SORL1: variants seen among roughly 807,000 people sequenced by gnomAD.
SORL1 encodes the protein sortilin related receptor 1.
SORL1 carries 127 observed loss-of-function variants against 273.7 expected under a neutral mutation model. The ratio of observed to expected loss-of-function variants is 0.46; its 90% confidence interval spans 0.40 to 0.54. SORL1 has a LOEUF of 0.54. Among genes scored for constraint, SORL1 ranks in the 20% least tolerant of loss-of-function variants. SORL1 has a pLI of 0.00. For synonymous variants in SORL1, 1,031 were observed against 1,067.4 expected (o/e 0.97, Z 0.66); for missense variants, 2,494 against 2,846.1 (o/e 0.88, Z 2.81).
chr11:121,519,669 T>C (rs1397611683), intron 8 of SORL1, among the ~76,000 whole-genome samples: 2 of 152,182 alleles, frequency 1.3e-5, no homozygotes, highest in Non-Finnish European at 2.9e-5. Context: ...ATAATTAGGT[T>C]GTAAGTACCT....
chr11:121,456,620 A>G (rs1447961018), intron 1 of SORL1, among the ~76,000 whole-genome samples: 2 of 152,164 alleles, frequency 1.3e-5, no homozygotes, highest in Middle Eastern at 3.2e-3. Flanking sequence ...CTTGGATTCT[A>G]TTTTACAGAA....
chr11:121,494,016 T>C (rs560442809), intron 5 of SORL1, among the ~76,000 whole-genome samples: 5 of 152,332 alleles, frequency 3.3e-5, no homozygotes, highest in African/African-American at 1.2e-4. Context: ...AAGGACACCC[T>C]CTGCTCAAGG....
intron 24 of SORL1, chr11:121,576,963 C>A: frequency 1.3e-6 from 2 of 1,516,034 alleles, no homozygotes; most frequent in Non-Finnish European, 1.8e-6. Context: ...TAACCTTCTT[C>A]CCATCATAGC....
chr11:121,522,058 A>G (rs914422245), intron 9 of SORL1, among the ~76,000 whole-genome samples: 2 of 152,250 alleles, frequency 1.3e-5, no homozygotes, highest in East Asian at 1.9e-4. Context: ...TGTAAAATAC[A>G]TAGGAAAAAA....
At chr11:121,474,118 G>A (rs1861220787) in intron 2 of SORL1, among the ~76,000 whole-genome samples, 2 of 152,202 alleles carry the variant, frequency 1.3e-5, no homozygotes, top group African/African-American at 4.8e-5. Context: ...CCATTCATTA[G>A]CAATCTGACC....
intron 25 of SORL1, among the ~76,000 whole-genome samples, chr11:121,580,868 G>A (rs1182961240): frequency 6.6e-6 from 1 of 151,438 alleles, no homozygotes; most frequent in Non-Finnish European, 1.5e-5. Context: ...TCCTCTCAAA[G>A]TGCTGGGATT....
intron 3 of SORL1, among the ~76,000 whole-genome samples, chr11:121,487,482 T>C (rs1591296611): frequency 6.6e-6 from 1 of 152,334 alleles, no homozygotes; most frequent in South Asian, 2.1e-4. Context: ...AGTGGCAGCC[T>C]GGTCCCCAGA....
intron 21 of SORL1, among the ~76,000 whole-genome samples, chr11:121,565,862 C>T (rs1023275045): frequency 1.3e-5 from 2 of 152,222 alleles, no homozygotes; most frequent in Admixed American, 6.5e-5. Context: ...TACGAACTCT[C>T]TCCGGTGCTG....
chr11:121,530,994 T>G (rs1461684533), intron 11 of SORL1, among the ~76,000 whole-genome samples: 2 of 152,274 alleles, frequency 1.3e-5, no homozygotes, highest in Non-Finnish European at 2.9e-5. Context: ...AAAATTTGTT[T>G]GGTTTCTTTT....
At chr11:121,542,799 A>T (rs1862366235) in intron 12 of SORL1, among the ~76,000 whole-genome samples, 1 of 150,174 alleles carries the variant, frequency 6.7e-6, no homozygotes, top group African/African-American at 2.4e-5. Context: ...TGCAGTGGGG[A>T]TAATTTTTCT....
intron 39 of SORL1, 61 bp downstream of exon 39, chr11:121,611,219 G>A (rs1863558930): frequency 5.2e-6 from 6 of 1,157,730 alleles, no homozygotes; most frequent in African/African-American, 1.5e-5. Flanking sequence ...GGAACTGAAA[G>A]GACATAGCAC....
At chr11:121,560,770 T>C (rs986322517) in intron 21 of SORL1, among the ~76,000 whole-genome samples, 12 of 152,260 alleles carry the variant, frequency 7.9e-5, no homozygotes, top group African/African-American at 2.7e-4. Flanking sequence ...CGATATTATT[T>C]GTTATGTCTT....
chr11:121,520,764 C>T lies in SORL1; in HGVS notation c.1319C>T (p.Ser440Leu), dbSNP rs1200389078. ...NGSMNEENMRSVITFDKGGTW... is the reference protein window; with the variant it reads ...NGSMNEENMRLVITFDKGGTW... ...TCTATGAATGAGGAGAACATGAGAT[C>T]GGTCATCACCTTTGACAAAGGGGGA... is the stretch of plus-strand genomic sequence containing the variant. Residue 440 changes from serine (S) to leucine (L), a missense_variant, in exon 9 of 48, where the codon TCG becomes TTG. Transcript: ENST00000260197. The T allele has an allele frequency of 3.7e-6, 6 of 1,612,746 alleles. No homozygotes were observed. The highest frequency in any genetic ancestry group is 1.3e-5 in the African/African-American group (1 of 74,980).
Position 121,595,791 on chromosome 11 carries a change from C to T in SORL1, c.4519+19C>T. ...AATTGCCGTGAGTAGTCAGAGAGCC[C>T]TTCACCCCCTGGGCACGTTTCTGCA... On this transcript the variant is annotated intron_variant, in intron 32 of 47. Transcript: ENST00000260197. The surrounding 1 kb of genome is among the most constrained non-coding windows in gnomAD (Gnocchi z 5.1). 1.2e-6 allele frequency: 2 copies of T among 1,608,552 alleles called. No homozygotes were observed.
At chr11:121,526,782 A>G (rs531846261) in intron 11 of SORL1, among the ~76,000 whole-genome samples, 2 of 152,180 alleles carry the variant, frequency 1.3e-5, no homozygotes, top group East Asian at 3.9e-4. Flanking sequence ...TTATATATTC[A>G]TCTTGTATTC....
At chr11:121,478,316 G>A in intron 3 of SORL1, 73 bp downstream of exon 3, 4 of 1,520,940 alleles carry the variant, frequency 2.6e-6, no homozygotes, top group Non-Finnish European at 3.6e-6. Context: ...CACTTAAGGG[G>A]GTGCTAGGAG....
At chr11:121,567,774 G>A (rs575147298) in intron 22 of SORL1, among the ~76,000 whole-genome samples, 6 of 152,206 alleles carry the variant, frequency 3.9e-5, no homozygotes, top group South Asian at 2.1e-4. Context: ...CACTTCCCCC[G>A]CCTCCAGCAT....
intron 6 of SORL1, among the ~76,000 whole-genome samples, chr11:121,502,124 C>CTTTTTTTTTTTTTTTTTT (rs57842880): frequency 1.5e-5 from 1 of 65,188 alleles, no homozygotes; most frequent in African/African-American, 5.3e-5. Context: ...TGTGACAATT[C>CTTTTTTTTTTTTTTTTTT]TTTTTTTTTT....
Position 121,550,099 on chromosome 11 carries a change from C to A in SORL1, c.2180+11C>A, listed in dbSNP as rs1256581662. 1 of 1,610,996 alleles carries A rather than the reference C, an allele frequency of 6.2e-7. No individual in the cohort carries two copies. Among genetic ancestry groups the A allele is most frequent in the Non-Finnish European group, 8.5e-7 (1 of 1,178,376 alleles). ...CAGGAGAACGAGAGGGTATGTATCA[C>A]AGAGGTTGCCCTGTCAGGTTCTCAG... On this transcript the variant is annotated intron_variant, in intron 15 of 47. Transcript: ENST00000260197. The surrounding 1 kb of genome is among the most constrained non-coding windows in gnomAD (Gnocchi z 5.3).
Sources: allele counts gnomAD v4.1 joint callset (sites outside exome capture counted in the v4.1 genomes callset), GRCh38; gene constraint gnomAD v4.1.1; non-coding constraint Gnocchi (gnomAD v3.1); transcripts MANE v1.5; gene names NCBI Gene and HGNC (gene_info 2026-07-23, HGNC 2026-07-21).